TBC1D14: variants seen among roughly 807,000 people sequenced by gnomAD.
TBC1D14 encodes TBC1 domain family member 14.
A neutral mutation model predicts 79.0 loss-of-function variants in TBC1D14; 26 were observed. The observed-to-expected ratio is 0.33, with a 90% CI of 0.24 to 0.46. The LOEUF is 0.46. Ranked by LOEUF, TBC1D14 falls within the 20% of genes least tolerant of loss-of-function variation. TBC1D14 has a pLI of 1.00. For missense variants in TBC1D14, 769 were observed against 887.6 expected (o/e 0.87, Z 1.70); for synonymous variants, 394 against 349.9 (o/e 1.13, Z -1.40).
chr4:6,985,347 C>T (rs1382363672), intron 3 of TBC1D14, among the ~76,000 whole-genome samples: 1 of 152,166 alleles, frequency 6.6e-6, no homozygotes, highest in Non-Finnish European at 1.5e-5. Context: ...AATTATATGT[C>T]CCTTTATTCT....
intron 3 of TBC1D14, among the ~76,000 whole-genome samples, chr4:6,984,356 G>A (rs568327251): frequency 1.3e-5 from 2 of 152,046 alleles, no homozygotes; most frequent in Non-Finnish European, 2.9e-5. Flanking sequence ...GCTTCGGCAC[G>A]GTCAGGACTC....
chr4:7,019,750 G>A (rs1320380092), intron 12 of TBC1D14, among the ~76,000 whole-genome samples: 39 of 106,454 alleles, frequency 3.7e-4, no homozygotes, highest in Middle Eastern at 5.3e-3. Flanking sequence ...TGTGAACCCC[G>A]CTGGGCTCAG....
At chr4:6,979,483 T>C (rs1717160959) in intron 3 of TBC1D14, among the ~76,000 whole-genome samples, 1 of 152,096 alleles carries the variant, frequency 6.6e-6, no homozygotes, top group African/African-American at 2.4e-5. Context: ...TACTTGGGCA[T>C]GGTGATACAC....
intron 12 of TBC1D14, 75 bp downstream of exon 12, chr4:7,014,632 C>T: frequency 9.6e-7 from 1 of 1,037,868 alleles, no homozygotes; most frequent in Non-Finnish European, 1.5e-6. Flanking sequence ...TCTCTGCCAA[C>T]TTCTTCATGG....
chr4:7,000,042 C>T (rs1016364536), intron 6 of TBC1D14, among the ~76,000 whole-genome samples: 9 of 152,212 alleles, frequency 5.9e-5, no homozygotes, highest in African/African-American at 2.2e-4. Context: ...GTCAGCACTG[C>T]AGGGGTCACG....
chr4:7,015,106 G>A (rs1721150885), intron 12 of TBC1D14, among the ~76,000 whole-genome samples: 1 of 152,078 alleles, frequency 6.6e-6, no homozygotes, highest in Admixed American at 6.5e-5. Context: ...AGGCGATGAG[G>A]TGGGGAGGCC....
chr4:6,972,105 C>A (rs56031152), intron 3 of TBC1D14, among the ~76,000 whole-genome samples: 17,149 of 152,170 alleles, frequency 0.11, 1,444 homozygotes, highest in African/African-American at 0.23. Flanking sequence ...TAAAGGGGAA[C>A]CTTCTTTCTT....
At chr4:6,977,640 G>A (rs1286333935) in intron 3 of TBC1D14, among the ~76,000 whole-genome samples, 3 of 148,890 alleles carry the variant, frequency 2.0e-5, no homozygotes, top group Admixed American at 6.7e-5. Flanking sequence ...AGTGAGGAGC[G>A]TCTCTGCCCG....
chr4:6,931,461 T>G (rs1396344313), intron 2 of TBC1D14, among the ~76,000 whole-genome samples: 1 of 152,198 alleles, frequency 6.6e-6, no homozygotes, highest in Non-Finnish European at 1.5e-5. Context: ...GTGGTTCATG[T>G]CTGGAAACAT....
chr4:6,974,012 T>C (rs1427779496), intron 3 of TBC1D14, among the ~76,000 whole-genome samples: 4 of 151,930 alleles, frequency 2.6e-5, no homozygotes, highest in Non-Finnish European at 5.9e-5. Flanking sequence ...TTAGTAGAAA[T>C]GGGGTTTCAT....
intron 4 of TBC1D14, chr4:6,995,321 A>T (rs915537427): frequency 6.6e-6 from 1 of 152,242 alleles, no homozygotes; most frequent in African/African-American, 2.4e-5. Flanking sequence ...GTCTTCATAC[A>T]TACATGTAAC....
chr4:6,912,795 G>T (rs1316058684), intron 1 of TBC1D14, among the ~76,000 whole-genome samples: 2 of 152,152 alleles, frequency 1.3e-5, no homozygotes, highest in East Asian at 3.8e-4. Context: ...CTTGTCAACT[G>T]CCTAACAAGA....
At chr4:6,933,904 A>C (rs998217190) in intron 2 of TBC1D14, among the ~76,000 whole-genome samples, 1 of 152,158 alleles carries the variant, frequency 6.6e-6, no homozygotes, top group Non-Finnish European at 1.5e-5. Context: ...CCTGGGTGGC[A>C]GCTGTAGGGA....
Position 7,032,433 on chromosome 4 carries a change from T to C in TBC1D14, c.*2041T>C, listed in dbSNP as rs149641350. ...TCAGATTGCCCCTGGGGATCTTCTG[T>C]GTCTTCAGCGCCCAGCCCTGCGTGT... On this transcript the variant is annotated 3_prime_UTR_variant, in exon 14 of 14. Transcript: ENST00000409757. The C allele has an allele frequency of 2.2e-4, 33 of 152,816 alleles. No homozygotes were observed. Among genetic ancestry groups the C allele is most frequent in the African/African-American group, 7.7e-4 (32 of 41,584 alleles). 9.5% of individuals were successfully genotyped at this position (152,816 alleles called of 1,614,324 possible).
chr4:7,018,160 C>T (rs144669733), intron 12 of TBC1D14, among the ~76,000 whole-genome samples: 336 of 152,298 alleles, frequency 2.2e-3, no homozygotes, highest in South Asian at 7.7e-3. Flanking sequence ...CCCAGAGACA[C>T]GTCCACACCC....
chr4:6,937,812 C>A (rs1712485591), intron 2 of TBC1D14, among the ~76,000 whole-genome samples: 1 of 152,036 alleles, frequency 6.6e-6, no homozygotes, highest in South Asian at 2.1e-4. Flanking sequence ...ATTAGAGAAG[C>A]AGGATGGAGA....
At chr4:7,028,273 A>T (rs1349930461) in intron 13 of TBC1D14, among the ~76,000 whole-genome samples, 1 of 152,094 alleles carries the variant, frequency 6.6e-6, no homozygotes, top group Non-Finnish European at 1.5e-5. Flanking sequence ...AGCCATTTTG[A>T]TCCTTGCATA....
intron 2 of TBC1D14, chr4:6,954,244 CG>C: frequency 5.6e-6 from 4 of 716,616 alleles, no homozygotes. Context: ...GAATGCGGCA[CG>C]GGGAGAGTCC....
rs548296582 is a variant in TBC1D14, at chr4:6,944,380, G to A, written c.722+20269G>A. On this transcript the variant is annotated intron_variant, in intron 2 of 13. Coordinates refer to ENST00000409757, the MANE Select transcript of TBC1D14 (RefSeq NM_020773.3). ...TAAGGAAATGGCTTTTTGCGTCTGC[G>A]TTTTGATGATGGAATTCCCCATGGG... 9.9e-5 allele frequency among the ~76,000 whole-genome samples: 15 copies of A among 152,274 alleles called. No homozygotes were observed. In the South Asian group the frequency reaches 2.9e-3, roughly 29 times the overall value.
Sources: allele counts gnomAD v4.1 joint callset (sites outside exome capture counted in the v4.1 genomes callset), GRCh38; gene constraint gnomAD v4.1.1; transcripts MANE v1.5; gene names NCBI Gene and HGNC (gene_info 2026-07-23, HGNC 2026-07-21).